NUP214: variants seen among roughly 807,000 people sequenced by gnomAD.
The protein encoded by NUP214 is nucleoporin 214.
In NUP214, 79 loss-of-function variants were observed where a neutral mutation model predicts 196.2. That is an observed-to-expected ratio of 0.40 (90% confidence interval 0.34 to 0.49). The LOEUF is 0.49. Ranked by LOEUF, NUP214 falls within the 20% of genes least tolerant of loss-of-function variation. The pLI, the probability that NUP214 is intolerant of heterozygous loss-of-function variation, is 0.58. For synonymous variants in NUP214, 1,020 were observed against 990.5 expected, an observed-to-expected ratio of 1.03 and a Z score of -0.56; for missense variants, 2,468 against 2,539.0, an observed-to-expected ratio of 0.97 and a Z score of 0.60.
At chr9:131,136,990 A>T (rs191863793) in intron 9 of NUP214, among the ~76,000 whole-genome samples, 27 of 152,296 alleles carry the variant, frequency 1.8e-4, no homozygotes, top group African/African-American at 6.5e-4. Context: ...AACCATTGGC[A>T]TTTATCTGTC....
chr9:131,188,904 TGTTTCC>T, intron 25 of NUP214, 143 bp from the exon 26 acceptor site: 3 of 617,898 alleles, frequency 4.9e-6, no homozygotes, highest in Non-Finnish European at 8.5e-6. Context: ...ACCTTTTTTT[TGTTTCC>T]TTTTTCTTTT....
intron 4 of NUP214, 118 bp downstream of exon 4, chr9:131,129,595 G>T: frequency 1.0e-6 from 1 of 954,808 alleles, no homozygotes. Flanking sequence ...TCATGACGAG[G>T]GAGGTTAAGG....
At chr9:131,130,956 C>T in intron 5 of NUP214, 120 bp downstream of exon 5, 1 of 721,486 alleles carries the variant, frequency 1.4e-6, no homozygotes, top group South Asian at 1.7e-5. Context: ...TGTAACAAAT[C>T]CATCAGTGAA....
rs1391332218 is a variant in NUP214, at chr9:131,150,669, C to T, written c.2181C>T (p.Ala727=). ...LEELKARTSK[A]CFQVGTSEEM... ...AGTTAAAAGCCCGAACTTCCAAAGC[C>T]TGTTTCCAAGTGGGCACTTCTGAGG... Residue 727 remains alanine (A), a synonymous_variant, in exon 16 of 36, where the codon GCC becomes GCT. Coordinates refer to ENST00000359428, the MANE Select transcript of NUP214 (RefSeq NM_005085.4). 1.2e-6 allele frequency: 2 copies of T among 1,614,168 alleles called. No homozygotes were observed. The highest frequency in any genetic ancestry group is 2.7e-5 in the African/African-American group (2 of 75,048).
chr9:131,226,463 T>C (rs1834728236), intron 32 of NUP214, among the ~76,000 whole-genome samples: 1 of 152,122 alleles, frequency 6.6e-6, no homozygotes. Flanking sequence ...TCCAGTTTAT[T>C]TTCTGTATCA....
chr9:131,135,860 C>A, intron 8 of NUP214, 80 bp from the exon 9 acceptor site: 2 of 1,075,182 alleles, frequency 1.9e-6, no homozygotes, highest in Non-Finnish European at 2.8e-6. Context: ...GCAGCCCTCA[C>A]AGGTGTTACC....
intron 28 of NUP214, among the ~76,000 whole-genome samples, chr9:131,196,087 T>G (rs1441680601): frequency 7.2e-6 from 1 of 139,314 alleles, no homozygotes; most frequent in Non-Finnish European, 1.5e-5. Context: ...TAAAAGAATT[T>G]GAAGCCCTAT....
intron 27 of NUP214, among the ~76,000 whole-genome samples, chr9:131,194,394 G>C (rs1276084646): frequency 6.6e-6 from 1 of 151,784 alleles, no homozygotes; most frequent in African/African-American, 2.4e-5. Context: ...TGTTTGTTTG[G>C]TTTTTGGGTT....
intron 27 of NUP214, chr9:131,192,643 C>T (rs1401888796): frequency 5.6e-6 from 1 of 179,978 alleles, no homozygotes; most frequent in East Asian, 1.7e-4. Flanking sequence ...ATGTGACATT[C>T]AAATTGACTT....
intron 21 of NUP214, among the ~76,000 whole-genome samples, chr9:131,170,929 G>A (rs1027842169): frequency 6.6e-6 from 1 of 151,968 alleles, no homozygotes; most frequent in African/African-American, 2.4e-5. Context: ...TAAGATGTGA[G>A]GTTTGCTGCA....
chr9:131,140,407 A>G, intron 10 of NUP214, 142 bp from the exon 11 acceptor site: 1 of 654,644 alleles, frequency 1.5e-6, no homozygotes, highest in Admixed American at 3.1e-5. Context: ...GGCTGTTCAG[A>G]TATAAAATCA....
In NUP214 at chr9:131,170,713, T is replaced by C. The variant is rs189493277; in HGVS notation, c.2894-3342T>C. Reference sequence around the variant, plus strand: ...ATTCTAACACGTCTGTAGCTGTTTCTTGGCCTTGTAACTATGGAAACAATG... The same window carrying C: ...ATTCTAACACGTCTGTAGCTGTTTCCTGGCCTTGTAACTATGGAAACAATG... On this transcript the variant is annotated intron_variant, in intron 21 of 35. Transcript: ENST00000359428. Among the ~76,000 whole-genome samples the C allele has an allele frequency of 2.3e-3, 347 of 152,294 alleles. 4 individuals are homozygous for C. The highest frequency in any genetic ancestry group is 8.0e-3 in the African/African-American group (333 of 41,556).
intron 30 of NUP214, among the ~76,000 whole-genome samples, chr9:131,210,926 C>A (rs1288000986): frequency 1.3e-5 from 2 of 152,076 alleles, no homozygotes; most frequent in African/African-American, 4.8e-5. Context: ...AAAACTTATA[C>A]AATGAATACT....
intron 23 of NUP214, among the ~76,000 whole-genome samples, chr9:131,176,614 C>A (rs1357037413): frequency 6.6e-6 from 1 of 152,178 alleles, no homozygotes. Context: ...TAGGCATGAG[C>A]CACTGCTCCT....
rs979832834 is a variant in NUP214 at position 131,215,290 on chromosome 9, G to A, written c.5671G>A (p.Gly1891Arg). 3 of 1,610,272 alleles carry A rather than the reference G, an allele frequency of 1.9e-6. No homozygotes were observed. Among genetic ancestry groups the A allele is most frequent in the Non-Finnish European group, 2.5e-6 (3 of 1,178,256 alleles). ...GGGAGGTTTCTTCAGTGGCCTTGGA[G>A]GAAAACCCAGTCAGGATGCAGCCAA... ...RGGGFFSGLG[G>R]KPSQDAANKN... The change falls in exon 31 of 36, where the codon GGA becomes AGA. Residue 1891 changes from glycine to arginine, a missense_variant. Physicochemically the swap from Gly to Arg is moderately radical, Grantham distance 125 (BLOSUM62 -2). This residue lies in a region of NUP214 where 262 missense variants were observed against 296.5 expected (regional missense o/e 0.88). Coordinates refer to ENST00000359428, the MANE Select transcript of NUP214 (RefSeq NM_005085.4).
intron 32 of NUP214, among the ~76,000 whole-genome samples, chr9:131,225,601 G>A (rs1236707946): frequency 2.0e-5 from 3 of 152,130 alleles, no homozygotes; most frequent in Admixed American, 2.0e-4. Context: ...AAACATCAAA[G>A]TGAGGGCAGG....
rs764771543 is a variant in NUP214 at position 131,174,286 on chromosome 9, A to G, written c.3125A>G (p.His1042Arg). ...CCTTTTGCTAAATCTCACCTGGTTC[A>G]TGGTTCTTCACCTGGTGTGATGGGA... ...AAPFAKSHLV[H>R]GSSPGVMGTS... Residue 1042 changes from histidine to arginine, a missense_variant, in exon 22 of 36, where the codon CAT (histidine) becomes CGT (arginine). Physicochemically the swap from His to Arg is conservative, Grantham distance 29. Transcript: ENST00000359428. 4.3e-6 allele frequency: 7 copies of G among 1,613,762 alleles called. No individual in the cohort carries two copies. Among genetic ancestry groups the G allele is most frequent in the East Asian group, 2.2e-5 (1 of 44,864 alleles).
chr9:131,216,822 C>T (rs1453218003), intron 31 of NUP214, among the ~76,000 whole-genome samples: 1 of 152,150 alleles, frequency 6.6e-6, no homozygotes, highest in Non-Finnish European at 1.5e-5. Flanking sequence ...CCACCGTGCT[C>T]GGCCTTAAAA....
At position 131,198,561 on chromosome 9, in the gene NUP214, G is replaced by A; in HGVS notation, c.5067G>A (p.Gln1689=). 1 of 1,614,212 alleles carries A rather than the reference G, an allele frequency of 6.2e-7. No homozygotes were observed. Among genetic ancestry groups the A allele is most frequent in the African/African-American group, 1.3e-5 (1 of 75,066 alleles). The change falls in exon 29 of 36, where the codon CAG becomes CAA. Residue 1689 remains glutamine, a synonymous_variant. Transcript: ENST00000359428. ...ASTAPSLFGQ[Q]TGSTASTAAA... Reference sequence around the variant, plus strand: ...CCGCACCAAGTCTGTTTGGGCAGCAGACTGGTAGCACAGCCAGCACAGCAG... The same window carrying A: ...CCGCACCAAGTCTGTTTGGGCAGCAAACTGGTAGCACAGCCAGCACAGCAG...
Sources: gnomAD v4.1 joint callset for allele counts (sites outside exome capture counted in the v4.1 genomes callset) on GRCh38, gnomAD v4.1.1 for gene constraint, gnomAD v4.1.1 regional missense constraint, MANE v1.5 for transcripts, NCBI Gene and HGNC (gene_info 2026-07-23, HGNC 2026-07-21) for gene names.